Variants in KCNH8 observed in about 807,000 individuals in gnomAD.
KCNH8 encodes the protein potassium voltage-gated channel subfamily H member 8.
KCNH8 carries 70 observed loss-of-function variants against 103.6 expected under a neutral mutation model. The observed-to-expected ratio is 0.68, with a 90% CI of 0.56 to 0.82. The LOEUF is 0.82. Among genes scored for constraint, KCNH8 ranks in the 40% least tolerant of loss-of-function variants. KCNH8 has a pLI of 0.00. For synonymous variants in KCNH8, 498 were observed against 489.4 expected (o/e 1.02, Z -0.23); for missense variants, 1,217 against 1,329.9 (o/e 0.92, Z 1.32).
At position 19,170,810 on chromosome 3, in the gene KCNH8, A is replaced by ATTTT. The variant is rs1163528137; in HGVS notation, c.76+22029_76+22032dup. On this transcript the variant is annotated intron_variant, in intron 1 of 15. Transcript: ENST00000328405. ...CACACATATATATATATATATATATATTTTTTTTTTTTTTTTTGAGACGAA... is the reference window on the plus strand; with the variant it reads ...CACACATATATATATATATATATATATTTTTTTTTTTTTTTTTTTTTGAGACGAA... Among the ~76,000 whole-genome samples the ATTTT allele has an allele frequency of 5.1e-3, 387 of 75,326 alleles. 11 individuals are homozygous for ATTTT. The highest frequency in any genetic ancestry group is 0.018 in the African/African-American group (339 of 19,358). 49.4% of individuals were successfully genotyped at this position (75,326 alleles called of 152,430 possible).
At chr3:19,344,991 C>G (rs1193827845) in intron 4 of KCNH8, among the ~76,000 whole-genome samples, 1 of 152,048 alleles carries the variant, frequency 6.6e-6, no homozygotes, top group Non-Finnish European at 1.5e-5. Context: ...TTCTCGGATA[C>G]AGTTCTGTGG....
At chr3:19,461,176 A>G (rs981419728) in intron 11 of KCNH8, among the ~76,000 whole-genome samples, 2 of 152,162 alleles carry the variant, frequency 1.3e-5, no homozygotes, top group African/African-American at 4.8e-5. Context: ...CTTCTTTTCA[A>G]AGAGGACTCC....
chr3:19,477,796 A>C (rs2068007398), intron 11 of KCNH8, among the ~76,000 whole-genome samples: 1 of 152,192 alleles, frequency 6.6e-6, no homozygotes, highest in South Asian at 2.1e-4. Flanking sequence ...ATTTACATTT[A>C]GGAAATACAA....
intron 2 of KCNH8, among the ~76,000 whole-genome samples, chr3:19,274,536 G>T (rs77133689): frequency 0.013 from 2,042 of 152,152 alleles, 50 homozygotes; most frequent in African/African-American, 0.047. Flanking sequence ...AACCAATTTG[G>T]TTTTCTTAAA....
intron 6 of KCNH8, among the ~76,000 whole-genome samples, chr3:19,392,452 TAGTC>T (rs1307752701): frequency 1.3e-5 from 2 of 151,926 alleles, no homozygotes; most frequent in East Asian, 1.9e-4. Flanking sequence ...TTAAACAAGT[TAGTC>T]AGGATCAAAT....
intron 1 of KCNH8, among the ~76,000 whole-genome samples, chr3:19,223,065 G>C (rs1349796982): frequency 6.6e-6 from 1 of 152,118 alleles, no homozygotes; most frequent in Admixed American, 6.5e-5. Context: ...GAGTAGAAGA[G>C]TAATTAGCAC....
chr3:19,405,367 T>C (rs2066675950), intron 7 of KCNH8, among the ~76,000 whole-genome samples: 1 of 151,910 alleles, frequency 6.6e-6, no homozygotes, highest in South Asian at 2.1e-4. Context: ...AAATAATATG[T>C]ATCTAATAAT....
intron 1 of KCNH8, among the ~76,000 whole-genome samples, chr3:19,160,666 T>C (rs1178145010): frequency 1.3e-5 from 2 of 152,084 alleles, no homozygotes; most frequent in African/African-American, 4.8e-5. Flanking sequence ...AAATGGAAAA[T>C]CCCATAAATA....
At chr3:19,170,124 A>G (rs1424198920) in intron 1 of KCNH8, among the ~76,000 whole-genome samples, 2 of 152,162 alleles carry the variant, frequency 1.3e-5, no homozygotes, top group African/African-American at 4.8e-5. Flanking sequence ...AATTTTTGTG[A>G]CACATTTAAA....
chr3:19,245,380 G>A (rs1256574242), intron 1 of KCNH8, among the ~76,000 whole-genome samples: 1 of 152,154 alleles, frequency 6.6e-6, no homozygotes, highest in African/African-American at 2.4e-5. Context: ...ATACTTTGAA[G>A]TTGGGTAATG....
chr3:19,486,776 C>T (rs2068220532), intron 11 of KCNH8, among the ~76,000 whole-genome samples: 1 of 152,138 alleles, frequency 6.6e-6, no homozygotes, highest in African/African-American at 2.4e-5. Flanking sequence ...GTTTGGAATC[C>T]ATAATCTGTA....
At chr3:19,219,414 G>T (rs2063849310) in intron 1 of KCNH8, among the ~76,000 whole-genome samples, 2 of 152,062 alleles carry the variant, frequency 1.3e-5, no homozygotes, top group Admixed American at 1.3e-4. Context: ...AGCCCTCTGA[G>T]GGGTCTTTGT....
intron 3 of KCNH8, among the ~76,000 whole-genome samples, chr3:19,307,416 A>G (rs1286801365): frequency 6.6e-5 from 10 of 151,976 alleles, no homozygotes. Flanking sequence ...TGTGGAGAAA[A>G]GGGAACTCTT....
chr3:19,211,093 C>G (rs1028112537), intron 1 of KCNH8, among the ~76,000 whole-genome samples: 1 of 152,050 alleles, frequency 6.6e-6, no homozygotes, highest in African/African-American at 2.4e-5. Flanking sequence ...TTTCTACATA[C>G]GTTTATGCTT....
At chr3:19,501,049 AAGAG>A (rs2068571567) in intron 11 of KCNH8, among the ~76,000 whole-genome samples, 1 of 152,214 alleles carries the variant, frequency 6.6e-6, no homozygotes, top group South Asian at 2.1e-4. Flanking sequence ...TAAAGAAAAA[AAGAG>A]AGAAGAATCA....
intron 11 of KCNH8, among the ~76,000 whole-genome samples, chr3:19,471,930 G>A (rs933466252): frequency 2.0e-5 from 3 of 152,074 alleles, no homozygotes; most frequent in Non-Finnish European, 4.4e-5. Context: ...AAAAAATGAA[G>A]CACAGCACTT....
chr3:19,233,129 G>A (rs1485800058), intron 1 of KCNH8, among the ~76,000 whole-genome samples: 1 of 130,620 alleles, frequency 7.7e-6, no homozygotes, highest in African/African-American at 3.0e-5. Context: ...GTCTGGAGCT[G>A]TTAATTCTTG....
intron 1 of KCNH8, among the ~76,000 whole-genome samples, chr3:19,184,429 A>G (rs1003660248): frequency 8.6e-5 from 13 of 152,004 alleles, no homozygotes; most frequent in Admixed American, 2.0e-4. Flanking sequence ...CAGCTGGGAA[A>G]AAGGATGGAA....
Position 19,271,694 on chromosome 3 carries a change from T to A in KCNH8, c.311-9504T>A, listed in dbSNP as rs1408242351. On this transcript the variant is annotated intron_variant, in intron 2 of 15. Transcript: ENST00000328405. ...CTCTTAACCATGAGAATTAGCCATA[T>A]AACCAGTATGCAGATGTGGTATGAA... Among the ~76,000 whole-genome samples the A allele has an allele frequency of 3.9e-5, 6 of 152,276 alleles. No homozygotes were observed. The East Asian group carries it at 1.2e-3, about 29-fold the overall frequency.
Sources: allele counts gnomAD v4.1 joint callset (sites outside exome capture counted in the v4.1 genomes callset), GRCh38; gene constraint gnomAD v4.1.1; transcripts MANE v1.5; gene names NCBI Gene and HGNC (gene_info 2026-07-23, HGNC 2026-07-21).